The following ST6GALNAC3 variants were observed in gnomAD, a reference collection of about 807,000 sequenced individuals.
ST6GALNAC3 encodes alpha-N-acetylgalactosaminide alpha-2,6-sialyltransferase 3.
Under a neutral mutation model 32.7 loss-of-function variants are expected in ST6GALNAC3, and 25 were observed. The observed-to-expected ratio is 0.76, with a 90% CI of 0.56 to 1.07. The LOEUF (loss-of-function observed/expected upper bound fraction) is 1.07. Among genes scored for constraint, ST6GALNAC3 ranks in the 50% least tolerant of loss-of-function variants. The probability of loss-of-function intolerance (pLI) is 0.00; values close to 1 mark genes in which losing one functional copy is unlikely to be tolerated. For synonymous variants in ST6GALNAC3, 129 were observed against 133.1 expected (o/e 0.97, Z 0.21); for missense variants, 355 against 382.4 (o/e 0.93, Z 0.60).
intron 2 of ST6GALNAC3, among the ~76,000 whole-genome samples, chr1:76,403,562 C>T (rs1366245178): frequency 6.6e-6 from 1 of 152,064 alleles, no homozygotes; most frequent in African/African-American, 2.4e-5. Context: ...GTGCAGGTGC[C>T]ATCCTCAGAA....
chr1:76,532,465 T>C (rs912685117), intron 3 of ST6GALNAC3, among the ~76,000 whole-genome samples: 1 of 152,158 alleles, frequency 6.6e-6, no homozygotes. Context: ...CCCTTCACTC[T>C]GATTCCACTC....
intron 2 of ST6GALNAC3, among the ~76,000 whole-genome samples, chr1:76,402,593 A>C (rs1653510585): frequency 6.6e-6 from 1 of 152,148 alleles, no homozygotes. Context: ...GCTTCATCAC[A>C]TATCTATAGT....
chr1:76,175,806 C>T (rs1319634435), intron 1 of ST6GALNAC3, among the ~76,000 whole-genome samples: 1 of 152,160 alleles, frequency 6.6e-6, no homozygotes, highest in African/African-American at 2.4e-5. Context: ...ACTATGGCTA[C>T]ATGTGGATGA....
chr1:76,395,824 G>A (rs1381499270), intron 2 of ST6GALNAC3, among the ~76,000 whole-genome samples: 1 of 152,172 alleles, frequency 6.6e-6, no homozygotes, highest in Non-Finnish European at 1.5e-5. Flanking sequence ...TTGGAAGGGT[G>A]TGGGGCTGGG....
At chr1:76,237,165 T>G (rs1267436335) in intron 1 of ST6GALNAC3, among the ~76,000 whole-genome samples, 1 of 152,204 alleles carries the variant, frequency 6.6e-6, no homozygotes, top group African/African-American at 2.4e-5. Context: ...GTTTTTTATA[T>G]TCTCCCCACC....
chr1:76,373,808 C>T (rs1226412998), intron 2 of ST6GALNAC3, among the ~76,000 whole-genome samples: 1 of 152,178 alleles, frequency 6.6e-6, no homozygotes, highest in Non-Finnish European at 1.5e-5. Flanking sequence ...TTAGGTTTCA[C>T]ATAAAAAAAG....
chr1:76,140,875 T>G (rs1650280008), intron 1 of ST6GALNAC3, among the ~76,000 whole-genome samples: 1 of 150,414 alleles, frequency 6.6e-6, no homozygotes, highest in Non-Finnish European at 1.5e-5. Flanking sequence ...TGGCTTAAAG[T>G]AATCCTCCCA....
chr1:76,125,504 T>C (rs1570082454), intron 1 of ST6GALNAC3, among the ~76,000 whole-genome samples: 1 of 152,210 alleles, frequency 6.6e-6, no homozygotes, highest in Non-Finnish European at 1.5e-5. Context: ...TCCTCTTCCC[T>C]GGTTTGGGAC....
chr1:76,139,976 C>A (rs1483343866), intron 1 of ST6GALNAC3, among the ~76,000 whole-genome samples: 2 of 152,224 alleles, frequency 1.3e-5, no homozygotes, highest in African/African-American at 4.8e-5. Flanking sequence ...GCCAAAACGA[C>A]AGAATCTCTT....
intron 1 of ST6GALNAC3, among the ~76,000 whole-genome samples, chr1:76,146,404 C>G (rs1195184864): frequency 6.6e-6 from 1 of 152,132 alleles, no homozygotes; most frequent in East Asian, 1.9e-4. Flanking sequence ...ACTGCACTTT[C>G]CCTGAAAGTG....
chr1:76,399,692 A>G (rs1653253854), intron 2 of ST6GALNAC3, among the ~76,000 whole-genome samples: 2 of 152,176 alleles, frequency 1.3e-5, no homozygotes, highest in African/African-American at 4.8e-5. Flanking sequence ...TCTTTACACC[A>G]TTGAATTTTC....
At chr1:76,614,580 G>A (rs1557627690) in intron 3 of ST6GALNAC3, among the ~76,000 whole-genome samples, 1 of 152,056 alleles carries the variant, frequency 6.6e-6, no homozygotes, top group Non-Finnish European at 1.5e-5. Context: ...TTAGCCGGGC[G>A]TGGTGGCGGG....
At chr1:76,295,788 C>T (rs1660369465) in intron 1 of ST6GALNAC3, among the ~76,000 whole-genome samples, 1 of 151,972 alleles carries the variant, frequency 6.6e-6, no homozygotes, top group Non-Finnish European at 1.5e-5. Context: ...TGTGGAGAGA[C>T]TAGAAGATAA....
intron 2 of ST6GALNAC3, among the ~76,000 whole-genome samples, chr1:76,329,225 C>T (rs975945566): frequency 1.3e-5 from 2 of 152,140 alleles, no homozygotes; most frequent in African/African-American, 4.8e-5. Flanking sequence ...TAGTAGGAAG[C>T]TTTCTTTTTT....
Position 76,430,248 on chromosome 1 carries a change from C to T in ST6GALNAC3, c.623+17831C>T, listed in dbSNP as rs367727574. Reference sequence around the variant, plus strand: ...TTTCCATCTTTTGCCCTTCAATCTGCATTTTATACTTCCACCAGATTAATC... The same window carrying T: ...TTTCCATCTTTTGCCCTTCAATCTGTATTTTATACTTCCACCAGATTAATC... On this transcript the variant is annotated intron_variant, in intron 3 of 4. Coordinates refer to ENST00000328299, the MANE Select transcript of ST6GALNAC3 (RefSeq NM_152996.4). Among the ~76,000 whole-genome samples, 26 of 152,284 alleles carry T rather than the reference C, an allele frequency of 1.7e-4. No homozygotes were observed. In the South Asian group the frequency reaches 5.0e-3, roughly 29 times the overall value.
At position 76,466,577 on chromosome 1, in the gene ST6GALNAC3, A is replaced by C. The variant is rs185705211; in HGVS notation, c.623+54160A>C. Among the ~76,000 whole-genome samples, 127 of 152,262 alleles carry C rather than the reference A, an allele frequency of 8.3e-4. 1 individual carries two copies. Among genetic ancestry groups the C allele is most frequent in the African/African-American group, 3.0e-3 (125 of 41,584 alleles). ...AATTGCTTTGGAAAGTATTTTGGCA[A>C]TACATCAAGTGTTAATATACTTTGA... On this transcript the variant is annotated intron_variant, in intron 3 of 4. Coordinates refer to ENST00000328299, the MANE Select transcript of ST6GALNAC3 (RefSeq NM_152996.4).
In ST6GALNAC3 at chr1:76,456,654, C is replaced by T. The variant is rs182519320; in HGVS notation, c.623+44237C>T. On this transcript the variant is annotated intron_variant, in intron 3 of 4. Transcript: ENST00000328299. ...AAGGCCTTTGACAAAATTTAACAAC[C>T]CTTCATGCTAAAAACTCTCAATAAA... Among the ~76,000 whole-genome samples the T allele has an allele frequency of 1.3e-4, 20 of 152,222 alleles. No homozygotes were observed. The South Asian group carries it at 3.7e-3, about 28-fold the overall frequency.
chr1:76,476,943 T>C (rs1455167889), intron 3 of ST6GALNAC3, among the ~76,000 whole-genome samples: 1 of 152,122 alleles, frequency 6.6e-6, no homozygotes, highest in East Asian at 1.9e-4. Context: ...CAGCCTGTGT[T>C]GTGCCTTGGC....
chr1:76,445,037 A>G (rs994440901), intron 3 of ST6GALNAC3, among the ~76,000 whole-genome samples: 1 of 152,216 alleles, frequency 6.6e-6, no homozygotes, highest in Non-Finnish European at 1.5e-5. Context: ...AGGGAACATT[A>G]TGTTTGTGGT....
Sources: gnomAD v4.1 joint callset for allele counts (sites outside exome capture counted in the v4.1 genomes callset) on GRCh38, gnomAD v4.1.1 for gene constraint, MANE v1.5 for transcripts, NCBI Gene and HGNC (gene_info 2026-07-23, HGNC 2026-07-21) for gene names.